Variants in ORC4 observed in about 807,000 individuals in gnomAD.
The protein encoded by ORC4 is origin recognition complex, subunit 4 homolog.
In ORC4, 55 loss-of-function variants were observed where a neutral mutation model predicts 63.9. That is an observed-to-expected ratio of 0.86 (90% confidence interval 0.69 to 1.08). The LOEUF (loss-of-function observed/expected upper bound fraction) is 1.08, where lower values mean the gene tolerates loss of function less well. ORC4 is among the 50% of genes least tolerant of loss of function. The pLI is 0.00. For missense variants in ORC4, 511 were observed against 504.4 expected, an observed-to-expected ratio of 1.01 and a Z score of -0.13; for synonymous variants, 150 against 168.5, an observed-to-expected ratio of 0.89 and a Z score of 0.85.
At chr2:147,949,226 TAAAC>T (rs1304646857) in intron 8 of ORC4, among the ~76,000 whole-genome samples, 5 of 151,728 alleles carry the variant, frequency 3.3e-5, no homozygotes, top group Non-Finnish European at 1.5e-5. Flanking sequence ...GATGAATGGA[TAAAC>T]AAAGTGTGGT....
rs769113936 is a variant in ORC4, at chr2:147,934,658, C to T, written c.*852G>A. 3 of 152,126 alleles carry T rather than the reference C, an allele frequency of 2.0e-5. No homozygotes were observed. Among genetic ancestry groups the T allele is most frequent in the Non-Finnish European group, 2.9e-5 (2 of 68,022 alleles). The allele number at this position is 152,126 out of a possible 1,614,324, so 9.4% of individuals were successfully genotyped here. On this transcript the variant is annotated 3_prime_UTR_variant, in exon 14 of 14. Transcript: ENST00000392857. ...GCTATACAGATAGCCTAGCCTATTA[C>T]TCTTCAGCTATAGCACTGTACAGAA...
At chr2:148,011,829 GA>G (rs1692985895) in intron 1 of ORC4, among the ~76,000 whole-genome samples, 1 of 152,002 alleles carries the variant, frequency 6.6e-6, no homozygotes, top group African/African-American at 2.4e-5. Flanking sequence ...CAACCTATCT[GA>G]AAAAGAAATC....
At chr2:148,011,092 G>A (rs1573900331) in intron 1 of ORC4, among the ~76,000 whole-genome samples, 1 of 152,022 alleles carries the variant, frequency 6.6e-6, no homozygotes, top group Non-Finnish European at 1.5e-5. Flanking sequence ...GCCTCCCAAA[G>A]TTCTGGGATT....
At chr2:147,935,811 A>T (rs1480994061) in intron 13 of ORC4, 113 bp from the exon 14 acceptor site, 1 of 801,520 alleles carries the variant, frequency 1.2e-6, no homozygotes, top group Non-Finnish European at 2.1e-6. Flanking sequence ...GAGTACTGGG[A>T]AGCAAAATGT....
intron 1 of ORC4, among the ~76,000 whole-genome samples, chr2:147,987,801 C>T (rs1267144640): frequency 2.0e-5 from 3 of 152,058 alleles, no homozygotes; most frequent in African/African-American, 4.8e-5. Flanking sequence ...CACCTGTAAT[C>T]CCAGCACTTT....
chr2:147,942,237 A>G (rs1235317080), intron 10 of ORC4, among the ~76,000 whole-genome samples: 2 of 152,136 alleles, frequency 1.3e-5, no homozygotes, highest in Non-Finnish European at 2.9e-5. Flanking sequence ...TGACCTTTCT[A>G]TGAAACCAAA....
chr2:148,021,334 A>C, upstream of ORC4: 2 of 360,168 alleles, frequency 5.6e-6, no homozygotes, highest in Admixed American at 3.2e-5. Context: ...GAAAACCCCC[A>C]TCCACGACTC....
chr2:147,935,311 A>T lies in ORC4; in HGVS notation c.*199T>A, dbSNP rs918615172. ...TCTTCTGAACAGCTACTTACAAAGT[A>T]ATCTCAATCAGTGAAATTATAAATC... On this transcript the variant is annotated 3_prime_UTR_variant, in exon 14 of 14. Transcript: ENST00000392857. The T allele has an allele frequency of 1.7e-6, 1 of 591,528 alleles. No homozygotes were observed. Among genetic ancestry groups the T allele is most frequent in the Admixed American group, 2.7e-5 (1 of 37,002 alleles). The allele number at this position is 591,528 out of a possible 1,614,324, so 36.6% of individuals were successfully genotyped here. A position where few individuals can be genotyped will look rare whatever the true frequency, so the allele number is the denominator to read the frequency against.
intron 1 of ORC4, among the ~76,000 whole-genome samples, chr2:148,015,541 C>T (rs1693227899): frequency 6.6e-6 from 1 of 151,954 alleles, no homozygotes; most frequent in African/African-American, 2.4e-5. Context: ...GTATCGATCT[C>T]CTGACCTCGT....
chr2:147,999,984 T>C (rs1363101156), intron 1 of ORC4, among the ~76,000 whole-genome samples: 2 of 151,156 alleles, frequency 1.3e-5, no homozygotes, highest in Non-Finnish European at 2.9e-5. Flanking sequence ...AAAAAAGGCC[T>C]TGGAAATTAA....
rs1385180602 is a variant in ORC4 at position 147,933,875 on chromosome 2, G to T, written c.*1635C>A. The T allele has an allele frequency of 6.6e-6, 1 of 152,094 alleles. No individual in the cohort carries two copies. The highest frequency in any genetic ancestry group is 1.5e-5 in the Non-Finnish European group (1 of 67,996). 9.4% of individuals were successfully genotyped at this position (152,094 alleles called of 1,614,324 possible). A position where few individuals can be genotyped will look rare whatever the true frequency, so the allele number is the denominator to read the frequency against. ...AGACTGCTGAGAAGTAAATGACAGGGATCTGAATACTTAGCAGGCTTAACT... is the reference window on the plus strand; with the variant it reads ...AGACTGCTGAGAAGTAAATGACAGGTATCTGAATACTTAGCAGGCTTAACT... On this transcript the variant is annotated 3_prime_UTR_variant, in exon 14 of 14. Transcript: ENST00000392857.
intron 9 of ORC4, among the ~76,000 whole-genome samples, chr2:147,946,039 G>C (rs938484248): frequency 6.6e-6 from 1 of 152,068 alleles, no homozygotes; most frequent in African/African-American, 2.4e-5. Flanking sequence ...ACAAGACAGT[G>C]CTCACATGCA....
chr2:147,972,177 C>A, intron 4 of ORC4, among the ~76,000 whole-genome samples: 1 of 151,760 alleles, frequency 6.6e-6, no homozygotes, highest in East Asian at 1.9e-4. Context: ...TTTGAGGTAA[C>A]TAAGCAAATA....
rs778664309 is a variant in ORC4, at chr2:147,973,480, A to G, written c.102T>C (p.His34=). The G allele has an allele frequency of 6.2e-7, 1 of 1,606,974 alleles. No individual in the cohort carries two copies. Among genetic ancestry groups the G allele is most frequent in the East Asian group, 2.2e-5 (1 of 44,754 alleles). ...GTACTTGCACTCCAAATAGGTTACT[A>G]TGTGGACTCTGACGACAAAATCTTT... ...LRERFCRQSP[H]SNLFGVQVQY... The change falls in exon 3 of 14, where the codon CAT becomes CAC. Residue 34 remains histidine (H), a synonymous_variant. Coordinates refer to ENST00000392857, the MANE Select transcript of ORC4 (RefSeq NM_181741.4).
intron 7 of ORC4, among the ~76,000 whole-genome samples, chr2:147,954,257 T>C (rs191825473): frequency 5.3e-5 from 8 of 152,208 alleles, no homozygotes; most frequent in Admixed American, 3.9e-4. Flanking sequence ...ATTACCACAA[T>C]AGGTCAAAGA....
chr2:147,993,020 G>C (rs957247903), intron 1 of ORC4, among the ~76,000 whole-genome samples: 1 of 152,166 alleles, frequency 6.6e-6, no homozygotes, highest in African/African-American at 2.4e-5. Flanking sequence ...TCCATACCCG[G>C]AAGGAAAGAA....
intron 10 of ORC4, among the ~76,000 whole-genome samples, chr2:147,941,178 T>G (rs571602798): frequency 1.3e-5 from 2 of 152,240 alleles, no homozygotes; most frequent in East Asian, 3.9e-4. Flanking sequence ...CAATTCTGGT[T>G]TATTCATTTT....
chr2:148,017,771 A>T (rs908100655), intron 1 of ORC4, among the ~76,000 whole-genome samples: 7 of 152,370 alleles, frequency 4.6e-5, no homozygotes, highest in African/African-American at 1.7e-4. Flanking sequence ...TACAGGTTTT[A>T]CAGTAACTGA....
At chr2:147,942,336 A>T (rs1688410265) in intron 10 of ORC4, among the ~76,000 whole-genome samples, 1 of 152,168 alleles carries the variant, frequency 6.6e-6, no homozygotes, top group Non-Finnish European at 1.5e-5. Context: ...GTTAATTTTC[A>T]GAACAATTAA....
Sources: allele counts gnomAD v4.1 joint callset (sites outside exome capture counted in the v4.1 genomes callset), GRCh38; gene constraint gnomAD v4.1.1; transcripts MANE v1.5; gene names NCBI Gene and HGNC (gene_info 2026-07-23, HGNC 2026-07-21).